The following CDC42BPA variants were observed in gnomAD, a reference collection of about 807,000 sequenced individuals.
CDC42BPA encodes CDC42 binding protein kinase alpha.
CDC42BPA carries 80 observed loss-of-function variants against 223.5 expected under a neutral mutation model. That is an observed-to-expected ratio of 0.36 (90% CI 0.30 to 0.43). The LOEUF is 0.43. Among genes scored for constraint, CDC42BPA ranks in the 20% least tolerant of loss-of-function variants. CDC42BPA has a pLI of 1.00. For missense variants in CDC42BPA, 1,743 were observed against 2,099.9 expected (o/e 0.83, Z 3.32); for synonymous variants, 694 against 718.6 (o/e 0.97, Z 0.55).
intron 1 of CDC42BPA, among the ~76,000 whole-genome samples, chr1:227,306,126 A>G (rs983975251): frequency 1.5e-5 from 2 of 135,888 alleles, no homozygotes; most frequent in Non-Finnish European, 3.1e-5. Context: ...TCAAAGGATC[A>G]TGTTCTAAGT....
chr1:227,137,608 C>A, intron 10 of CDC42BPA, among the ~76,000 whole-genome samples: 1 of 148,754 alleles, frequency 6.7e-6, no homozygotes, highest in East Asian at 2.0e-4. Context: ...GGAAATAACC[C>A]AAATATTTAC....
Position 227,262,672 on chromosome 1 carries a change from A to G in CDC42BPA, c.179-8517T>C, listed in dbSNP as rs1031228899. Among the ~76,000 whole-genome samples the G allele has an allele frequency of 2.2e-4, 34 of 152,210 alleles. 1 individual carries two copies. The highest frequency in any genetic ancestry group is 8.0e-4 in the African/African-American group (33 of 41,446). ...GGTTAAAAAATCGGCCTTTTAAGTC[A>G]TAAGATACCCTGAGAATGTTATTTT... On this transcript the variant is annotated intron_variant, in intron 1 of 36. Transcript: ENST00000366766.
chr1:227,172,577 C>T (rs145390822), intron 5 of CDC42BPA, among the ~76,000 whole-genome samples: 4 of 151,796 alleles, frequency 2.6e-5, no homozygotes, highest in East Asian at 3.9e-4. Context: ...AAGAGAAAAG[C>T]GGGGAGTAAT....
chr1:227,051,890 C>T lies in CDC42BPA; in HGVS notation c.3000G>A (p.Glu1000=), dbSNP rs140617885. Residue 1000 remains glutamate, a synonymous_variant, in exon 22 of 37, where the codon GAG becomes GAA. Transcript: ENST00000366766. Reference sequence around the variant, plus strand: ...TGCTCCAATAAGGCACCTTAACTGGCTCAGCTTCACTAGATGTGGAAGGAG... The same window carrying T: ...TGCTCCAATAAGGCACCTTAACTGGTTCAGCTTCACTAGATGTGGAAGGAG... ...STSPSTSSEA[E]PVKTVDSTPL... 4.4e-6 allele frequency: 6 copies of T among 1,365,922 alleles called. No homozygotes were observed. The East Asian group carries it at 2.7e-4, about 62-fold the overall frequency. The allele number at this position is 1,365,922 out of a possible 1,614,324, so 84.6% of individuals were successfully genotyped here.
At chr1:227,085,127 T>C (rs1352348352) in intron 16 of CDC42BPA, among the ~76,000 whole-genome samples, 2 of 149,590 alleles carry the variant, frequency 1.3e-5, no homozygotes, top group African/African-American at 2.4e-5. Flanking sequence ...TCAGCCTATA[T>C]AATCACTTGA....
At chr1:227,046,221 T>C (rs909192549) in intron 23 of CDC42BPA, among the ~76,000 whole-genome samples, 7 of 78,428 alleles carry the variant, frequency 8.9e-5, no homozygotes, top group African/African-American at 1.7e-4. Context: ...TGTGTCCACA[T>C]GAGAGCAAAC....
intron 5 of CDC42BPA, among the ~76,000 whole-genome samples, chr1:227,169,958 G>A (rs1261316152): frequency 6.6e-6 from 1 of 152,086 alleles, no homozygotes; most frequent in African/African-American, 2.4e-5. Context: ...AAGGCACCCT[G>A]AACTTTTAAG....
rs1664023009 is a variant in CDC42BPA at position 227,162,141 on chromosome 1, C to T, written c.600-1505G>A. ...TAGATTGTAAAGGAGATTAAAGGAA[C>T]TGCAAAGACAGGATTTATATGCATC... On this transcript the variant is annotated intron_variant, in intron 5 of 36. Coordinates refer to ENST00000366766, the MANE Select transcript of CDC42BPA (RefSeq NM_001394014.1). 2.0e-5 allele frequency among the ~76,000 whole-genome samples: 3 copies of T among 152,088 alleles called. No homozygotes were observed. In the South Asian group the frequency reaches 6.2e-4, roughly 32 times the overall value.
At chr1:227,032,437 T>G (rs969287199) in intron 27 of CDC42BPA, among the ~76,000 whole-genome samples, 2 of 151,952 alleles carry the variant, frequency 1.3e-5, no homozygotes, top group African/African-American at 4.8e-5. Flanking sequence ...AATTGGGCAG[T>G]AGTTTTTTTT....
chr1:227,231,320 T>TC (rs1677917359), intron 2 of CDC42BPA, among the ~76,000 whole-genome samples: 1 of 152,132 alleles, frequency 6.6e-6, no homozygotes, highest in Non-Finnish European at 1.5e-5. Flanking sequence ...AACTCATCCT[T>TC]TTTATGGCTG....
At chr1:227,104,324 C>G (rs1260797643) in intron 14 of CDC42BPA, among the ~76,000 whole-genome samples, 1 of 151,902 alleles carries the variant, frequency 6.6e-6, no homozygotes, top group Admixed American at 6.6e-5. Flanking sequence ...GTGTTTTTGG[C>G]AATTATAATA....
intron 21 of CDC42BPA, chr1:227,059,361 A>G (rs1355206041): frequency 1.9e-6 from 3 of 1,560,322 alleles, no homozygotes; most frequent in Non-Finnish European, 2.6e-6. Flanking sequence ...ATAAAGTGCA[A>G]AAGTCTCTTA....
intron 1 of CDC42BPA, among the ~76,000 whole-genome samples, chr1:227,300,307 A>G (rs148207013): frequency 0.09 from 13,698 of 152,208 alleles, 728 homozygotes; most frequent in East Asian, 0.17. Context: ...CAGCAATCCC[A>G]CTGCTGGGTA....
chr1:226,998,442 CAG>C (rs1662080623), intron 35 of CDC42BPA, among the ~76,000 whole-genome samples: 2 of 152,136 alleles, frequency 1.3e-5, no homozygotes, highest in Non-Finnish European at 2.9e-5. Flanking sequence ...GGTACCAAAA[CAG>C]AGATATAGAC....
chr1:227,130,945 G>A (rs1242307252), intron 10 of CDC42BPA, among the ~76,000 whole-genome samples: 1 of 152,186 alleles, frequency 6.6e-6, no homozygotes, highest in Non-Finnish European at 1.5e-5. Flanking sequence ...CCACAGGTAT[G>A]AAGGTGGGGC....
intron 19 of CDC42BPA, among the ~76,000 whole-genome samples, chr1:227,073,382 A>G (rs1678821415): frequency 1.3e-5 from 2 of 152,152 alleles, no homozygotes; most frequent in South Asian, 4.1e-4. Context: ...TTCTAAATAC[A>G]TAAAGAAACA....
chr1:227,053,311 C>T (rs1051688032), intron 21 of CDC42BPA, among the ~76,000 whole-genome samples: 8 of 152,184 alleles, frequency 5.3e-5, no homozygotes, highest in East Asian at 1.9e-4. Flanking sequence ...TGCCCACCTA[C>T]GGCCTTCCTG....
chr1:227,052,421 T>TA (rs915343719), intron 21 of CDC42BPA, among the ~76,000 whole-genome samples: 6 of 152,034 alleles, frequency 3.9e-5, no homozygotes, highest in African/African-American at 9.7e-5. Context: ...TAACTGAAAG[T>TA]AAAAAAAACC....
chr1:227,280,146 T>G (rs1364308104), intron 1 of CDC42BPA, among the ~76,000 whole-genome samples: 2 of 152,214 alleles, frequency 1.3e-5, no homozygotes, highest in African/African-American at 4.8e-5. Flanking sequence ...AGAATAAGTC[T>G]GACTTTAATT....
Sources: gnomAD v4.1 joint callset for allele counts (sites outside exome capture counted in the v4.1 genomes callset) on GRCh38, gnomAD v4.1.1 for gene constraint, MANE v1.5 for transcripts, NCBI Gene and HGNC (gene_info 2026-07-23, HGNC 2026-07-21) for gene names.